Variants in METTL16 observed in about 807,000 individuals in gnomAD.
METTL16 encodes methyltransferase 16, RNA N6-adenosine.
A neutral mutation model predicts 57.9 loss-of-function variants in METTL16; 19 were observed. The observed-to-expected ratio is 0.33, with a 90% CI of 0.23 to 0.48. The LOEUF (loss-of-function observed/expected upper bound fraction) is 0.48, where lower values mean the gene tolerates loss of function less well. Among genes scored for constraint, METTL16 ranks in the 20% least tolerant of loss-of-function variants. METTL16 has a pLI of 0.99. For missense variants in METTL16, 434 were observed against 691.5 expected (o/e 0.63, Z 4.18); for synonymous variants, 246 against 255.6 (o/e 0.96, Z 0.36).
At chr17:2,492,066 C>T (rs963169235) in intron 2 of METTL16, among the ~76,000 whole-genome samples, 31 of 151,180 alleles carry the variant, frequency 2.1e-4, no homozygotes, top group Non-Finnish European at 2.9e-4. Flanking sequence ...AAAAAATTAG[C>T]CGGGCGTGGT....
chr17:2,421,751 A>G (rs9898015), intron 8 of METTL16, among the ~76,000 whole-genome samples: 118,849 of 152,178 alleles, frequency 0.78, 47,487 homozygotes, highest in East Asian at 0.98. Context: ...AACCACAGCC[A>G]TGAGATGACA....
At chr17:2,510,456 A>G (rs1008844230) in intron 1 of METTL16, among the ~76,000 whole-genome samples, 3 of 152,230 alleles carry the variant, frequency 2.0e-5, no homozygotes, top group African/African-American at 7.2e-5. Context: ...CAGTGCACAC[A>G]CAACATAATA....
rs1259150175 is a variant in METTL16 at position 2,419,928 on chromosome 17, A to C, written c.*42T>G. The C allele has an allele frequency of 3.1e-6, 5 of 1,603,476 alleles. No individual in the cohort carries two copies. In the South Asian group the frequency reaches 4.5e-5, roughly 14 times the overall value. ...CTTGCCACCCCACAGGCCACTCCAA[A>C]GCAAGTTACTATCAACACGTTTCCA... On this transcript the variant is annotated 3_prime_UTR_variant, in exon 10 of 10. Transcript: ENST00000263092.
rs1224899401 is a variant in METTL16, at chr17:2,418,471, T to C, written c.*1499A>G. ...CAGGCGTGGTGGCGCGTGCCTGTAATCCCAGCTACTTGGGAGGCTGAGGCA... is the reference window on the plus strand; with the variant it reads ...CAGGCGTGGTGGCGCGTGCCTGTAACCCCAGCTACTTGGGAGGCTGAGGCA... On this transcript the variant is annotated 3_prime_UTR_variant, in exon 10 of 10. Transcript: ENST00000263092. 1 of 152,316 alleles carries C rather than the reference T, an allele frequency of 6.6e-6. No homozygotes were observed. Among genetic ancestry groups the C allele is most frequent in the African/African-American group, 2.4e-5 (1 of 41,434 alleles). 9.4% of individuals were successfully genotyped at this position (152,316 alleles called of 1,614,324 possible).
intron 4 of METTL16, 66 bp from the exon 5 acceptor site, chr17:2,467,942 A>T: frequency 9.4e-7 from 1 of 1,066,976 alleles, no homozygotes; most frequent in Admixed American, 1.8e-5. Context: ...ATAACCGCGC[A>T]CTGCGTAATG....
At chr17:2,481,913 G>A (rs1343994795) in intron 2 of METTL16, among the ~76,000 whole-genome samples, 2 of 152,118 alleles carry the variant, frequency 1.3e-5, no homozygotes, top group Non-Finnish European at 2.9e-5. Flanking sequence ...ATTGATTTTG[G>A]GGTTAGGGAC....
chr17:2,489,161 T>C (rs1205577480), intron 2 of METTL16, among the ~76,000 whole-genome samples: 3 of 149,654 alleles, frequency 2.0e-5, no homozygotes, highest in South Asian at 4.4e-4. Context: ...TCTCACTATA[T>C]TGACCAGGCT....
At chr17:2,473,966 T>C (rs1221904583) in intron 3 of METTL16, among the ~76,000 whole-genome samples, 2 of 152,190 alleles carry the variant, frequency 1.3e-5, no homozygotes, top group Non-Finnish European at 2.9e-5. Context: ...TGGTACCTGA[T>C]GTCATACATG....
Position 2,465,361 on chromosome 17 carries a change from G to C in METTL16, c.586-1011C>G, listed in dbSNP as rs142835516. Among the ~76,000 whole-genome samples the C allele has an allele frequency of 1.6e-4, 24 of 151,736 alleles. No homozygotes were observed. In the East Asian group the frequency reaches 4.5e-3, roughly 28 times the overall value. On this transcript the variant is annotated intron_variant, in intron 5 of 9. Coordinates refer to ENST00000263092, the MANE Select transcript of METTL16 (RefSeq NM_024086.4). The stretch of plus-strand genomic sequence containing the variant: ...GATTGAGACCATCCTGGCTAACAAA[G>C]TGAAACCCCATCTCTACTAAAAAAA...
chr17:2,429,697 A>G (rs2066855259), intron 8 of METTL16, among the ~76,000 whole-genome samples: 1 of 152,066 alleles, frequency 6.6e-6, no homozygotes, highest in South Asian at 2.1e-4. Flanking sequence ...ACACAATCTA[A>G]CATGTGCCTC....
intron 1 of METTL16, among the ~76,000 whole-genome samples, chr17:2,503,563 A>C (rs1440712554): frequency 6.6e-6 from 1 of 152,088 alleles, no homozygotes; most frequent in Non-Finnish European, 1.5e-5. Context: ...AATGAAATAC[A>C]GTATATCCAT....
intron 2 of METTL16, among the ~76,000 whole-genome samples, chr17:2,483,730 G>T (rs1378492300): frequency 6.6e-6 from 1 of 152,174 alleles, no homozygotes; most frequent in South Asian, 2.1e-4. Context: ...CAAGATAAAT[G>T]ATGAGCAATA....
intron 2 of METTL16, among the ~76,000 whole-genome samples, chr17:2,500,021 T>A (rs2067475901): frequency 6.6e-6 from 1 of 152,212 alleles, no homozygotes. Flanking sequence ...CCCAAAGTGA[T>A]CTTAACCCTT....
At chr17:2,496,030 T>C (rs1036802405) in intron 2 of METTL16, among the ~76,000 whole-genome samples, 2 of 151,334 alleles carry the variant, frequency 1.3e-5, no homozygotes, top group African/African-American at 2.5e-5. Flanking sequence ...GAATTGCTTG[T>C]ACCTGGGAGC....
intron 6 of METTL16, among the ~76,000 whole-genome samples, chr17:2,449,882 A>G (rs2067055520): frequency 6.6e-6 from 1 of 152,232 alleles, no homozygotes; most frequent in Non-Finnish European, 1.5e-5. Context: ...CAATAAGCAC[A>G]TGCGGATACT....
intron 6 of METTL16, among the ~76,000 whole-genome samples, chr17:2,445,722 G>A (rs1457340138): frequency 1.3e-5 from 2 of 151,554 alleles, no homozygotes; most frequent in Non-Finnish European, 2.9e-5. Context: ...AGAGGCAGAG[G>A]TCACAGTGAG....
At position 2,453,612 on chromosome 17, in the gene METTL16, TCTGTAA is replaced by T. The variant is rs573672483; in HGVS notation, c.728+10590_728+10595del. Among the ~76,000 whole-genome samples the T allele has an allele frequency of 1.2e-4, 18 of 152,332 alleles. No individual in the cohort carries two copies. The South Asian group carries it at 1.9e-3, about 16-fold the overall frequency. ...TACTTTGTAAACTCCCACACTTCTCTCTGTAACTGTAAGTAACCTAAAGGGGGAAGG... is the reference window on the plus strand; with the variant it reads ...TACTTTGTAAACTCCCACACTTCTCTCTGTAAGTAACCTAAAGGGGGAAGG... On this transcript the variant is annotated intron_variant, in intron 6 of 9. Transcript: ENST00000263092.
chr17:2,475,967 G>A (rs2067265900), intron 3 of METTL16, among the ~76,000 whole-genome samples: 1 of 152,222 alleles, frequency 6.6e-6, no homozygotes, highest in African/African-American at 2.4e-5. Context: ...AAGCAGAAGA[G>A]GTGAGAAATG....
At chr17:2,446,871 G>A (rs1031225659) in intron 6 of METTL16, among the ~76,000 whole-genome samples, 33 of 151,812 alleles carry the variant, frequency 2.2e-4, no homozygotes, top group African/African-American at 8.0e-4. Context: ...ATGGAGTCTC[G>A]TTCACTCAGT....
Sources: gnomAD v4.1 joint callset for allele counts (sites outside exome capture counted in the v4.1 genomes callset) on GRCh38, gnomAD v4.1.1 for gene constraint, MANE v1.5 for transcripts, NCBI Gene and HGNC (gene_info 2026-07-23, HGNC 2026-07-21) for gene names.